PUM2: variants seen among roughly 807,000 people sequenced by gnomAD.
The protein encoded by PUM2 is pumilio homolog 2.
PUM2 carries 57 observed loss-of-function variants against 124.5 expected under a neutral mutation model. The ratio of observed to expected loss-of-function variants is 0.46; its 90% CI spans 0.37 to 0.57. The LOEUF is 0.57. Among genes scored for constraint, PUM2 ranks in the 20% least tolerant of loss-of-function variants. PUM2 has a pLI of 0.00. For synonymous variants in PUM2, 460 were observed against 446.1 expected, an observed-to-expected ratio of 1.03 and a Z score of -0.39; for missense variants, 1,065 against 1,290.6, an observed-to-expected ratio of 0.83 and a Z score of 2.68.
At chr2:20,278,933 AT>A in intron 12 of PUM2, 114 bp from the exon 13 acceptor site, 1 of 782,430 alleles carries the variant, frequency 1.3e-6, no homozygotes, top group Non-Finnish European at 2.1e-6. Context: ...TTTTAGAAAC[AT>A]TTTGGAGAAG....
chr2:20,308,349 T>G lies in PUM2; in HGVS notation c.754A>C (p.Thr252Pro). The change falls in exon 6 of 21, where the codon ACT becomes CCT. Residue 252 changes from threonine to proline, a missense_variant. Coordinates refer to ENST00000361078, the MANE Select transcript of PUM2 (RefSeq NM_015317.5). ...NQVPMDSSGA[T>P]VGLFDYNSQQ... ...GAATTGTAGTCAAAAAGGCCTACAG[T>G]AGCTCCTGAAGAGTCCATTGGTACC... 6.2e-7 allele frequency: 1 copy of G among 1,614,044 alleles called. No individual in the cohort carries two copies. The highest frequency in any genetic ancestry group is 8.5e-7 in the Non-Finnish European group (1 of 1,179,900).
intron 15 of PUM2, among the ~76,000 whole-genome samples, chr2:20,259,735 C>A (rs1451030795): frequency 1.3e-5 from 2 of 152,156 alleles, no homozygotes; most frequent in East Asian, 3.8e-4. Context: ...AATAATGGTG[C>A]AATATATACT....
At chr2:20,311,947 T>C (rs1679703433) in intron 4 of PUM2, among the ~76,000 whole-genome samples, 1 of 152,200 alleles carries the variant, frequency 6.6e-6, no homozygotes, top group Non-Finnish European at 1.5e-5. Flanking sequence ...TTTTGTTTAG[T>C]TACTTTCAGA....
Position 20,265,478 on chromosome 2 carries a change from C to G in PUM2, c.1958-2018G>C, listed in dbSNP as rs556866405. Among the ~76,000 whole-genome samples, 28 of 152,332 alleles carry G rather than the reference C, an allele frequency of 1.8e-4. No individual in the cohort carries two copies. The South Asian group carries it at 5.8e-3, about 32-fold the overall frequency. On this transcript the variant is annotated intron_variant, in intron 13 of 20. Coordinates refer to ENST00000361078, the MANE Select transcript of PUM2 (RefSeq NM_015317.5). The stretch of plus-strand genomic sequence containing the variant: ...GTTCGTAACAATAATTGATCACTAG[C>G]CCATCTGATTCTTTAAAATTGGGTC...
chr2:20,297,842 A>C (rs74519552), intron 7 of PUM2, among the ~76,000 whole-genome samples, 164 bp from the exon 8 acceptor site: 5,303 of 152,240 alleles, frequency 0.035, 125 homozygotes, highest in Non-Finnish European at 0.055. Context: ...TGTACCGCTA[A>C]CTCTAAATTA....
At chr2:20,310,252 A>G (rs532354992) in intron 5 of PUM2, among the ~76,000 whole-genome samples, 3 of 152,184 alleles carry the variant, frequency 2.0e-5, no homozygotes, top group African/African-American at 7.2e-5. Flanking sequence ...AAAGATACCT[A>G]AAAACTTAAT....
At chr2:20,323,717 C>T (rs1682956402) in intron 2 of PUM2, among the ~76,000 whole-genome samples, 1 of 151,968 alleles carries the variant, frequency 6.6e-6, no homozygotes, top group Admixed American at 6.6e-5. Context: ...CAGTCACATT[C>T]TGCATAAGGA....
intron 2 of PUM2, among the ~76,000 whole-genome samples, chr2:20,325,196 A>G (rs1683373348): frequency 6.6e-6 from 1 of 152,206 alleles, no homozygotes; most frequent in African/African-American, 2.4e-5. Context: ...GGTTTTTCTT[A>G]GCTATCTTTT....
chr2:20,300,203 G>A (rs1033969188), intron 7 of PUM2, among the ~76,000 whole-genome samples: 5 of 151,750 alleles, frequency 3.3e-5, no homozygotes, highest in African/African-American at 1.2e-4. Flanking sequence ...AGGTTGGAGT[G>A]CAGTAGCACG....
In PUM2 at chr2:20,250,853, T is replaced by C. The variant is rs1558458793; in HGVS notation, c.*732A>G. ...GTGCACTTAATTGGAAGTGTCACCA[T>C]GATTTTGTATTTAACTCTTACAACA... On this transcript the variant is annotated 3_prime_UTR_variant, in exon 21 of 21. Transcript: ENST00000361078. 1 of 152,624 alleles carries C rather than the reference T, an allele frequency of 6.6e-6. No individual in the cohort carries two copies. Among genetic ancestry groups the C allele is most frequent in the Non-Finnish European group, 1.5e-5 (1 of 68,006 alleles). The allele number at this position is 152,624 out of a possible 1,614,324, so 9.5% of individuals were successfully genotyped here. A position where few individuals can be genotyped will look rare whatever the true frequency, so the allele number is the denominator to read the frequency against.
chr2:20,260,666 A>C (rs1192341561), intron 14 of PUM2, among the ~76,000 whole-genome samples, 200 bp from the exon 15 acceptor site: 1 of 152,224 alleles, frequency 6.6e-6, no homozygotes, highest in Non-Finnish European at 1.5e-5. Flanking sequence ...ATAGAGTGAC[A>C]AAAAACCTGG....
At chr2:20,312,124 TTC>T in intron 4 of PUM2, 110 bp downstream of exon 4, 1 of 995,530 alleles carries the variant, frequency 1.0e-6, no homozygotes, top group South Asian at 1.8e-5. Flanking sequence ...GTTACAAAAT[TTC>T]TCTTAGCTAT....
intron 13 of PUM2, among the ~76,000 whole-genome samples, chr2:20,276,211 G>A (rs191205524): frequency 7.3e-5 from 11 of 151,262 alleles, no homozygotes; most frequent in East Asian, 1.9e-4. Flanking sequence ...TAGTCATCCT[G>A]CTAAAAATAC....
rs1475136633 is a variant in PUM2, at chr2:20,250,743, T to C, written c.*842A>G. ...CACTTCCTCAACATGTCTGTAATTC[T>C]ATAAGCAAAACAAAATACAAATTTC... On this transcript the variant is annotated 3_prime_UTR_variant, in exon 21 of 21. Transcript: ENST00000361078. 2.0e-5 allele frequency: 3 copies of C among 152,474 alleles called. No homozygotes were observed. The highest frequency in any genetic ancestry group is 4.8e-5 in the African/African-American group (2 of 41,466). The allele number at this position is 152,474 out of a possible 1,614,324, so 9.4% of individuals were successfully genotyped here.
intron 1 of PUM2, chr2:20,350,344 G>T: frequency 1.9e-6 from 1 of 528,632 alleles, no homozygotes; most frequent in Non-Finnish European, 2.4e-6. Flanking sequence ...CGAGGCGGCG[G>T]CCCCGCAGAG....
intron 1 of PUM2, among the ~76,000 whole-genome samples, chr2:20,343,563 C>CGAA (rs1687637835): frequency 1.3e-5 from 2 of 152,092 alleles, no homozygotes; most frequent in Non-Finnish European, 2.9e-5. Flanking sequence ...AGAAAGAAAT[C>CGAA]ATACCAAACC....
chr2:20,273,340 C>T (rs903344445), intron 13 of PUM2, among the ~76,000 whole-genome samples: 4 of 152,122 alleles, frequency 2.6e-5, no homozygotes, highest in African/African-American at 4.8e-5. Flanking sequence ...AAGTCTACTA[C>T]GAGGCATTTT....
intron 13 of PUM2, among the ~76,000 whole-genome samples, chr2:20,271,435 T>C (rs923383472): frequency 2.6e-5 from 4 of 152,092 alleles, no homozygotes; most frequent in African/African-American, 9.7e-5. Context: ...CACTTCAGCT[T>C]CTCAAGTGGC....
At chr2:20,332,724 C>T (rs1222956868) in intron 1 of PUM2, among the ~76,000 whole-genome samples, 1 of 152,126 alleles carries the variant, frequency 6.6e-6, no homozygotes, top group Non-Finnish European at 1.5e-5. Context: ...GGAATTTGGA[C>T]ATAAATTTAG....
Sources: gnomAD v4.1 joint callset for allele counts (sites outside exome capture counted in the v4.1 genomes callset) on GRCh38, gnomAD v4.1.1 for gene constraint, MANE v1.5 for transcripts, NCBI Gene and HGNC (gene_info 2026-07-23, HGNC 2026-07-21) for gene names.